PTPRF: variants seen among roughly 807,000 people sequenced by gnomAD.
PTPRF encodes the protein receptor-type tyrosine-protein phosphatase F.
Under a neutral mutation model 201.8 loss-of-function variants are expected in PTPRF, and 59 were observed. That is an observed-to-expected ratio of 0.29 (90% confidence interval 0.24 to 0.36). PTPRF has a LOEUF of 0.36. Among genes scored for constraint, PTPRF ranks in the 10% least tolerant of loss-of-function variants. The pLI is 1.00. For missense variants in PTPRF, 2,132 were observed against 2,690.5 expected (o/e 0.79, Z 4.59); for synonymous variants, 1,088 against 1,089.7 (o/e 1.00, Z 0.03).
rs772934252 is a variant in PTPRF, at chr1:43,591,255, G to C, written c.1233G>C (p.Gln411His). The change falls in exon 9 of 34, where the codon CAG becomes CAC. Residue 411 changes from glutamine to histidine, a missense_variant. Transcript: ENST00000359947. ...CAGTGCGGGCACGCACGGGAGAACA[G>C]GCGCCCTCCAGCCCACCGCGCCGCG... ...SEAVRARTGE[Q>H]APSSPPRRVQ... The C allele has an allele frequency of 7.5e-5, 119 of 1,580,262 alleles. No homozygotes were observed. Among genetic ancestry groups the C allele is most frequent in the Non-Finnish European group, 1.0e-4 (117 of 1,164,966 alleles).
chr1:43,612,362 G>A (rs1308023677), intron 22 of PTPRF, among the ~76,000 whole-genome samples: 1 of 152,216 alleles, frequency 6.6e-6, no homozygotes, highest in African/African-American at 2.4e-5. Flanking sequence ...GGCACAGTGG[G>A]AGAGTAGAGG....
chr1:43,576,763 C>T (rs1646957134), intron 6 of PTPRF, among the ~76,000 whole-genome samples: 1 of 152,214 alleles, frequency 6.6e-6, no homozygotes, highest in South Asian at 2.1e-4. Flanking sequence ...GCAGAGCAGA[C>T]ACCTGTAAAA....
intron 1 of PTPRF, among the ~76,000 whole-genome samples, chr1:43,532,119 C>CCTTA (rs1480409217): frequency 1.3e-5 from 2 of 152,196 alleles, no homozygotes; most frequent in Non-Finnish European, 2.9e-5. Flanking sequence ...CTGTCTCCCT[C>CCTTA]CTTAAGTCTC....
chr1:43,583,469 G>T (rs1314145829), intron 7 of PTPRF, among the ~76,000 whole-genome samples: 1 of 152,182 alleles, frequency 6.6e-6, no homozygotes, highest in Non-Finnish European at 1.5e-5. Flanking sequence ...TCAGAGAGAG[G>T]TGTAAGACCT....
chr1:43,615,469 C>T (rs1657533758), intron 23 of PTPRF, among the ~76,000 whole-genome samples: 1 of 151,854 alleles, frequency 6.6e-6, no homozygotes, highest in Admixed American at 6.6e-5. Flanking sequence ...CCTTACAAGA[C>T]CCTCCTCCTC....
chr1:43,579,096 C>T (rs931519248), intron 7 of PTPRF, 176 bp downstream of exon 7: 11 of 725,792 alleles, frequency 1.5e-5, no homozygotes, highest in African/African-American at 7.0e-5. Context: ...AAGTTCCTGG[C>T]GTCTGCCACT....
intron 5 of PTPRF, among the ~76,000 whole-genome samples, chr1:43,558,166 G>A (rs1645525413): frequency 6.6e-6 from 1 of 152,130 alleles, no homozygotes; most frequent in Non-Finnish European, 1.5e-5. Context: ...TGGGGTCGGG[G>A]AAGTAAGAGT....
At chr1:43,613,547 G>A (rs767765506) in intron 22 of PTPRF, 71 bp from the exon 23 acceptor site, 72 of 1,273,186 alleles carry the variant, frequency 5.7e-5, no homozygotes, top group Middle Eastern at 1.8e-4. Flanking sequence ...ACATACATGC[G>A]TTGGGGCTTT....
At chr1:43,614,172 C>T (rs1657166391) in intron 23 of PTPRF, among the ~76,000 whole-genome samples, 2 of 152,218 alleles carry the variant, frequency 1.3e-5, no homozygotes, top group African/African-American at 4.8e-5. Context: ...CTGTTATTAT[C>T]CCATCTTCCA....
At chr1:43,551,162 G>A (rs1645014020) in intron 3 of PTPRF, among the ~76,000 whole-genome samples, 1 of 152,162 alleles carries the variant, frequency 6.6e-6, no homozygotes. Context: ...GGGCTTCCGC[G>A]TGTTAGGCCA....
intron 7 of PTPRF, among the ~76,000 whole-genome samples, chr1:43,584,648 G>A (rs188401833): frequency 1.1e-4 from 17 of 152,214 alleles, no homozygotes; most frequent in Admixed American, 3.3e-4. Context: ...GGGATTTGCC[G>A]GGCTGGTAAT....
At chr1:43,564,237 C>T (rs1268390369) in intron 5 of PTPRF, among the ~76,000 whole-genome samples, 1 of 152,116 alleles carries the variant, frequency 6.6e-6, no homozygotes, top group Non-Finnish European at 1.5e-5. Context: ...AGTGTGGGAG[C>T]GTGCAGATCT....
chr1:43,607,464 C>G (rs1655398116), intron 21 of PTPRF, among the ~76,000 whole-genome samples: 1 of 152,202 alleles, frequency 6.6e-6, no homozygotes, highest in Non-Finnish European at 1.5e-5. Context: ...CCCGTGCCAT[C>G]CGCAGCGGCC....
chr1:43,605,243 G>A lies in PTPRF; in HGVS notation c.3189G>A (p.Leu1063=), dbSNP rs756409580. The change falls in exon 18 of 34, where the codon CTG becomes CTA. Residue 1063 remains leucine, a synonymous_variant. Transcript: ENST00000359947. ...TGGACGGGCACTCGATGCGGAAGCT[G>A]ATCGCAGACCTGCAGCCCAACACAG... ...VEVDGHSMRK[L]IADLQPNTEY... The A allele has an allele frequency of 6.2e-7, 1 of 1,609,112 alleles. No homozygotes were observed. Among genetic ancestry groups the A allele is most frequent in the Non-Finnish European group, 8.5e-7 (1 of 1,176,122 alleles).
chr1:43,582,282 T>G (rs1032192626), intron 7 of PTPRF, among the ~76,000 whole-genome samples: 2 of 152,248 alleles, frequency 1.3e-5, no homozygotes, highest in African/African-American at 4.8e-5. Context: ...ACTCGGCTAC[T>G]AGTCAGTAGC....
intron 16 of PTPRF, 28 bp from the exon 17 acceptor site, chr1:43,604,875 A>C: frequency 1.9e-6 from 3 of 1,602,442 alleles, no homozygotes; most frequent in Non-Finnish European, 2.6e-6. Context: ...TATACCCAGC[A>C]GAGCTGACTC....
intron 12 of PTPRF, 105 bp from the exon 13 acceptor site, chr1:43,598,615 C>T: frequency 1.1e-5 from 12 of 1,085,296 alleles, no homozygotes; most frequent in Non-Finnish European, 1.6e-5. Context: ...CAGGGCCTTT[C>T]CTGGGGGAGT....
At chr1:43,558,630 A>G (rs891504700) in intron 5 of PTPRF, among the ~76,000 whole-genome samples, 17 of 152,292 alleles carry the variant, frequency 1.1e-4, no homozygotes, top group Admixed American at 8.5e-4. Flanking sequence ...TCGCCGGGTA[A>G]TGGCAGGAAA....
chr1:43,547,362 C>T (rs1288215795), intron 3 of PTPRF, among the ~76,000 whole-genome samples: 1 of 152,236 alleles, frequency 6.6e-6, no homozygotes, highest in Non-Finnish European at 1.5e-5. Flanking sequence ...TGAAATCCTG[C>T]CTTCTTCAGG....
Sources: allele counts gnomAD v4.1 joint callset (sites outside exome capture counted in the v4.1 genomes callset), GRCh38; gene constraint gnomAD v4.1.1; transcripts MANE v1.5; gene names NCBI Gene and HGNC (gene_info 2026-07-23, HGNC 2026-07-21).